The following REEP1 variants were observed in gnomAD, a reference collection of about 807,000 sequenced individuals.
The protein encoded by REEP1 is receptor expression-enhancing protein 1.
REEP1 carries 22 observed loss-of-function variants against 40.3 expected under a neutral mutation model. That is an observed-to-expected ratio of 0.55 (90% CI 0.39 to 0.78). REEP1 has a LOEUF of 0.78. Ranked by LOEUF, REEP1 falls within the 30% of genes least tolerant of loss-of-function variation. REEP1 has a pLI of 0.00. For synonymous variants in REEP1, 116 were observed against 139.2 expected (o/e 0.83, Z 1.17); for missense variants, 280 against 361.1 (o/e 0.78, Z 1.82).
At chr2:86,332,885 C>G (rs1361792729) in intron 1 of REEP1, among the ~76,000 whole-genome samples, 1 of 152,240 alleles carries the variant, frequency 6.6e-6, no homozygotes, top group African/African-American at 2.4e-5. Context: ...AACACTGACT[C>G]TTGGAGCTCT....
chr2:86,289,477 CT>C (rs912430618), intron 1 of REEP1, among the ~76,000 whole-genome samples: 21 of 151,444 alleles, frequency 1.4e-4, no homozygotes, highest in African/African-American at 4.6e-4. Flanking sequence ...CTTGGCCATT[CT>C]TTTTTTTTAT....
At chr2:86,266,612 C>T (rs1677150474) in intron 2 of REEP1, among the ~76,000 whole-genome samples, 1 of 149,474 alleles carries the variant, frequency 6.7e-6, no homozygotes, top group Non-Finnish European at 1.5e-5. Flanking sequence ...GGCGACAGAG[C>T]GAGACTCCAT....
At chr2:86,239,858 C>T (rs1189299313) in intron 5 of REEP1, 1 of 152,286 alleles carries the variant, frequency 6.6e-6, no homozygotes, top group Non-Finnish European at 1.5e-5. Flanking sequence ...GGGCCTGGCT[C>T]CGTGTGCCCC....
chr2:86,260,873 T>C (rs549230438), intron 3 of REEP1, among the ~76,000 whole-genome samples: 10 of 152,330 alleles, frequency 6.6e-5, no homozygotes, highest in Admixed American at 5.2e-4. Context: ...AGCTGTGGAA[T>C]CACACATTTG....
intron 1 of REEP1, among the ~76,000 whole-genome samples, chr2:86,286,527 C>A (rs1027359441): frequency 2.0e-5 from 3 of 152,218 alleles, no homozygotes; most frequent in Admixed American, 1.3e-4. Flanking sequence ...ATTTTTTGAA[C>A]CCCAAGGTTC....
chr2:86,327,471 C>A (rs1395716143), intron 1 of REEP1, among the ~76,000 whole-genome samples: 1 of 152,006 alleles, frequency 6.6e-6, no homozygotes, highest in African/African-American at 2.4e-5. Context: ...AGGAGCCAGA[C>A]CTTGGTGAGT....
chr2:86,316,166 G>A (rs1329232505), intron 1 of REEP1, among the ~76,000 whole-genome samples: 8 of 152,186 alleles, frequency 5.3e-5, no homozygotes, highest in African/African-American at 1.9e-4. Flanking sequence ...AGACTTTTAA[G>A]ATGTGTGAGC....
chr2:86,246,976 C>T (rs1676001169), intron 5 of REEP1, among the ~76,000 whole-genome samples: 2 of 152,200 alleles, frequency 1.3e-5, no homozygotes, highest in African/African-American at 4.8e-5. Context: ...GCTGGGATTA[C>T]AGGCGTGAGC....
At chr2:86,289,628 A>C (rs1468675986) in intron 1 of REEP1, among the ~76,000 whole-genome samples, 1 of 152,204 alleles carries the variant, frequency 6.6e-6, no homozygotes, top group African/African-American at 2.4e-5. Flanking sequence ...ATTTACTAGA[A>C]GAATCACCAT....
intron 6 of REEP1, among the ~76,000 whole-genome samples, chr2:86,228,287 C>T (rs1465784676): frequency 6.6e-6 from 1 of 152,160 alleles, no homozygotes; most frequent in African/African-American, 2.4e-5. Flanking sequence ...TGTCTGCCTG[C>T]CAGGAGCTTG....
At chr2:86,321,063 C>T (rs1573048928) in intron 1 of REEP1, among the ~76,000 whole-genome samples, 1 of 152,248 alleles carries the variant, frequency 6.6e-6, no homozygotes. Flanking sequence ...GTGATCTGCC[C>T]ACCTTGGCCT....
chr2:86,329,308 T>G (rs895025688), intron 1 of REEP1, among the ~76,000 whole-genome samples: 24 of 152,316 alleles, frequency 1.6e-4, no homozygotes, highest in African/African-American at 5.5e-4. Flanking sequence ...CAGGGATAAC[T>G]GTTCTCATTT....
chr2:86,304,576 T>C (rs1320588113), intron 1 of REEP1, among the ~76,000 whole-genome samples: 6 of 152,194 alleles, frequency 3.9e-5, no homozygotes, highest in Non-Finnish European at 8.8e-5. Flanking sequence ...GCCGCTATCA[T>C]TGCTGGAGTG....
chr2:86,332,680 C>G (rs886382561), intron 1 of REEP1, among the ~76,000 whole-genome samples: 1 of 152,176 alleles, frequency 6.6e-6, no homozygotes, highest in African/African-American at 2.4e-5. Flanking sequence ...CAGCTAACCT[C>G]AAATAAGACA....
intron 1 of REEP1, among the ~76,000 whole-genome samples, chr2:86,293,256 A>G (rs1327971572): frequency 1.3e-5 from 2 of 152,308 alleles, no homozygotes; most frequent in Non-Finnish European, 2.9e-5. Flanking sequence ...TTGATACCTC[A>G]AAGTCAGAGG....
chr2:86,264,642 T>C (rs7597445), intron 2 of REEP1, among the ~76,000 whole-genome samples: 16 of 152,134 alleles, frequency 1.1e-4, no homozygotes, highest in African/African-American at 3.1e-4. Flanking sequence ...TATCACCCCA[T>C]TTAAAATATC....
At chr2:86,336,681 G>A (rs1681049094) in intron 1 of REEP1, 1 of 152,400 alleles carries the variant, frequency 6.6e-6, no homozygotes, top group Non-Finnish European at 1.5e-5. Flanking sequence ...GGAGAAAATC[G>A]GCCCCCACGC....
At chr2:86,290,990 C>T (rs1678666212) in intron 1 of REEP1, among the ~76,000 whole-genome samples, 1 of 152,140 alleles carries the variant, frequency 6.6e-6, no homozygotes, top group South Asian at 2.1e-4. Flanking sequence ...GACTTATAAG[C>T]CATTTATTTT....
chr2:86,288,414 C>A (rs1678522942), intron 1 of REEP1, among the ~76,000 whole-genome samples: 1 of 152,214 alleles, frequency 6.6e-6, no homozygotes, highest in Non-Finnish European at 1.5e-5. Flanking sequence ...CCTCAACCTT[C>A]CAAGTAGCTG....
Sources: gnomAD v4.1 joint callset for allele counts (sites outside exome capture counted in the v4.1 genomes callset) on GRCh38, gnomAD v4.1.1 for gene constraint, MANE v1.5 for transcripts, NCBI Gene and HGNC (gene_info 2026-07-23, HGNC 2026-07-21) for gene names.